KCNH1: variants seen among roughly 807,000 people sequenced by gnomAD.
KCNH1 encodes the protein potassium voltage-gated channel subfamily H member 1.
In KCNH1, 27 loss-of-function variants were observed where a neutral mutation model predicts 69.2. The ratio of observed to expected loss-of-function variants is 0.39; its 90% CI spans 0.29 to 0.54. The LOEUF is 0.54. Among genes scored for constraint, KCNH1 ranks in the 20% least tolerant of loss-of-function variants. The pLI, the probability that KCNH1 is intolerant of heterozygous loss-of-function variation, is 0.68. For missense variants in KCNH1, 798 were observed against 1,261.6 expected, an observed-to-expected ratio of 0.63 and a Z score of 5.57; for synonymous variants, 456 against 487.7, an observed-to-expected ratio of 0.93 and a Z score of 0.86.
At chr1:210,927,490 C>T (rs776182460) in intron 6 of KCNH1, among the ~76,000 whole-genome samples, 1 of 152,140 alleles carries the variant, frequency 6.6e-6, no homozygotes, top group Admixed American at 6.5e-5. Flanking sequence ...AAGATGCAAT[C>T]TTTTCCAGAC....
At chr1:211,057,992 A>G (rs1027138947) in intron 5 of KCNH1, among the ~76,000 whole-genome samples, 3 of 152,158 alleles carry the variant, frequency 2.0e-5, no homozygotes, top group Non-Finnish European at 2.9e-5. Flanking sequence ...CACACAAAAG[A>G]GCTCCAATAT....
chr1:210,899,067 C>CA (rs1397485273), intron 7 of KCNH1, among the ~76,000 whole-genome samples: 2 of 152,164 alleles, frequency 1.3e-5, no homozygotes, highest in East Asian at 3.9e-4. Context: ...TTATAGAACC[C>CA]AGTGTCTAGA....
At chr1:210,853,543 G>C (rs1477892499) in intron 7 of KCNH1, among the ~76,000 whole-genome samples, 1 of 152,196 alleles carries the variant, frequency 6.6e-6, no homozygotes, top group Non-Finnish European at 1.5e-5. Flanking sequence ...CAGGGCTCCT[G>C]GTGGGCAAGT....
chr1:210,737,365 AT>A (rs1200213079), intron 10 of KCNH1, among the ~76,000 whole-genome samples: 1 of 152,202 alleles, frequency 6.6e-6, no homozygotes, highest in African/African-American at 2.4e-5. Flanking sequence ...AGTACAAAAA[AT>A]GTTTGCTATC....
At chr1:211,046,277 A>T (rs1690093949) in intron 5 of KCNH1, among the ~76,000 whole-genome samples, 1 of 152,232 alleles carries the variant, frequency 6.6e-6, no homozygotes, top group African/African-American at 2.4e-5. Context: ...AAATACTATT[A>T]TAATCATGAT....
intron 7 of KCNH1, among the ~76,000 whole-genome samples, chr1:210,909,790 T>C (rs2102547577): frequency 6.6e-6 from 1 of 152,328 alleles, no homozygotes; most frequent in South Asian, 2.1e-4. Context: ...CTGAGTAGTA[T>C]CAATTCAAAG....
At chr1:210,791,093 C>T (rs963830921) in intron 9 of KCNH1, among the ~76,000 whole-genome samples, 4 of 152,344 alleles carry the variant, frequency 2.6e-5, no homozygotes, top group Admixed American at 2.6e-4. Context: ...AGCTACTACT[C>T]TAGGCCTCTT....
rs1289326441 is a variant in KCNH1, at chr1:210,690,527, G to T, written c.2113-6389C>A. On this transcript the variant is annotated intron_variant, in intron 10 of 10. Transcript: ENST00000271751. ...GGTTTTATGGCAGAGCATAAAACAT[G>T]AAGATTAACAAACTGGGCCATTTAA... 1.3e-5 allele frequency among the ~76,000 whole-genome samples: 2 copies of T among 152,202 alleles called. 1 individual carries two copies. Among genetic ancestry groups the T allele is most frequent in the Middle Eastern group, 6.3e-3 (2 of 316 alleles).
chr1:211,054,163 TC>T (rs1690260991), intron 5 of KCNH1, among the ~76,000 whole-genome samples: 1 of 151,626 alleles, frequency 6.6e-6, no homozygotes, highest in Admixed American at 6.6e-5. Context: ...ATACCTGTAA[TC>T]CCAGCTACTC....
At chr1:210,897,095 C>T (rs1313453404) in intron 7 of KCNH1, among the ~76,000 whole-genome samples, 1 of 152,174 alleles carries the variant, frequency 6.6e-6, no homozygotes, top group Non-Finnish European at 1.5e-5. Context: ...CAGTAGTGAG[C>T]TCTCACTAAG....
rs113091258 is a variant in KCNH1, at chr1:210,945,726, G to A, written c.1033-25657C>T. ...ACTTCTGTTGTTCCTCAGACACATT[G>A]GGTACCCTTCCACCGCAGGGCCTTT... On this transcript the variant is annotated intron_variant, in intron 6 of 10. Coordinates refer to ENST00000271751, the MANE Select transcript of KCNH1 (RefSeq NM_172362.3). Among the ~76,000 whole-genome samples the A allele has an allele frequency of 7.7e-3, 1,175 of 152,276 alleles. 7 individuals carry two copies. The highest frequency in any genetic ancestry group is 0.012 in the Non-Finnish European group (842 of 68,012).
intron 5 of KCNH1, among the ~76,000 whole-genome samples, chr1:211,079,085 G>A (rs1690796541): frequency 6.6e-6 from 1 of 151,660 alleles, no homozygotes; most frequent in African/African-American, 2.4e-5. Flanking sequence ...TAATAAAGAA[G>A]GAAAGAGAGA....
rs1312955313 is a variant in KCNH1, at chr1:210,683,460, G to C, written c.2791C>G (p.His931Asp). 6.2e-7 allele frequency: 1 copy of C among 1,614,038 alleles called. No individual in the cohort carries two copies. The highest frequency in any genetic ancestry group is 8.5e-7 in the Non-Finnish European group (1 of 1,180,028). ...TLQATVLEVR[H>D]ELKEDIKALN... The stretch of plus-strand genomic sequence containing the variant: ...GCCTTGATGTCCTCCTTCAGCTCGT[G>C]CCTCACCTCCAGGACTGTGGCCTGC... The change falls in exon 11 of 11, where the codon CAC becomes GAC. Residue 931 changes from histidine to aspartate, a missense_variant. Transcript: ENST00000271751. The surrounding 1 kb of genome is among the most constrained non-coding windows in gnomAD (Gnocchi z 5.7).
intron 5 of KCNH1, among the ~76,000 whole-genome samples, chr1:211,022,538 A>T (rs780283768): frequency 7.2e-5 from 11 of 152,188 alleles, no homozygotes; most frequent in Non-Finnish European, 1.3e-4. Context: ...TGAAGAGACA[A>T]CCTACAGAAT....
At chr1:210,877,069 A>G (rs78829566) in intron 7 of KCNH1, among the ~76,000 whole-genome samples, 1 of 4,460 alleles carries the variant, frequency 2.2e-4, no homozygotes, top group Non-Finnish European at 6.2e-4. Flanking sequence ...CCTCTGAATT[A>G]AAAAAAAAAA....
intron 6 of KCNH1, among the ~76,000 whole-genome samples, chr1:210,998,963 G>A (rs371255917): frequency 1.8e-3 from 271 of 152,152 alleles, no homozygotes; most frequent in African/African-American, 4.3e-3. Flanking sequence ...CTTTGAAACC[G>A]ATGAGAACAA....
chr1:210,717,286 T>C (rs974942262), intron 10 of KCNH1, among the ~76,000 whole-genome samples: 8 of 152,222 alleles, frequency 5.3e-5, no homozygotes, highest in African/African-American at 1.2e-4. Context: ...GTTATCCCTG[T>C]GCTCAACATG....
At chr1:210,830,209 C>T (rs1685128510) in intron 7 of KCNH1, among the ~76,000 whole-genome samples, 1 of 152,180 alleles carries the variant, frequency 6.6e-6, no homozygotes, top group African/African-American at 2.4e-5. Flanking sequence ...GAAATGCCTT[C>T]CCCGTCATCT....
chr1:211,037,748 C>T (rs908402291), intron 5 of KCNH1, among the ~76,000 whole-genome samples: 1 of 152,048 alleles, frequency 6.6e-6, no homozygotes, highest in South Asian at 2.1e-4. Context: ...AGTAGGAGAG[C>T]AAGACCATAC....
Sources: allele counts gnomAD v4.1 joint callset (sites outside exome capture counted in the v4.1 genomes callset), GRCh38; gene constraint gnomAD v4.1.1; non-coding constraint Gnocchi (gnomAD v3.1); transcripts MANE v1.5; gene names NCBI Gene and HGNC (gene_info 2026-07-23, HGNC 2026-07-21).